Variants in HPD observed in about 807,000 individuals in gnomAD.
The protein encoded by HPD is 4-hydroxyphenylpyruvic acid oxidase.
A neutral mutation model predicts 56.9 loss-of-function variants in HPD; 35 were observed. The observed-to-expected ratio is 0.62, with a 90% CI of 0.47 to 0.82. HPD has a LOEUF of 0.82. HPD is among the 40% of genes least tolerant of loss of function. The pLI is 0.00. For synonymous variants in HPD, 186 were observed against 200.2 expected (o/e 0.93, Z 0.60); for missense variants, 442 against 506.8 (o/e 0.87, Z 1.23).
At chr12:121,858,155 AG>A (rs1420102284) in intron 2 of HPD, among the ~76,000 whole-genome samples, 9 of 152,044 alleles carry the variant, frequency 5.9e-5, no homozygotes, top group Non-Finnish European at 4.4e-5. Context: ...GAAGGGGTAC[AG>A]GTTTTGTTTT....
At chr12:121,880,574 T>C in the HPD span, among the ~76,000 whole-genome samples, 2 of 152,214 alleles carry the variant, frequency 1.3e-5, no homozygotes, top group African/African-American at 4.8e-5. Flanking sequence ...GATGGTGATC[T>C]AGCTCATTTG....
intron 9 of HPD, among the ~76,000 whole-genome samples, chr12:121,847,560 G>A (rs527361392): frequency 1.3e-5 from 2 of 152,048 alleles, no homozygotes; most frequent in South Asian, 4.2e-4. Flanking sequence ...TTTTTGAGAC[G>A]GAGTTTCGCT....
At chr12:121,846,789 C>T in intron 11 of HPD, 73 bp downstream of exon 11, 1 of 1,428,578 alleles carries the variant, frequency 7.0e-7, no homozygotes, top group South Asian at 1.2e-5. Context: ...CCGCCACCCG[C>T]CCTCTCAATT....
chr12:121,843,986 A>C (rs1367494324), intron 11 of HPD, among the ~76,000 whole-genome samples, 154 bp from the exon 12 acceptor site: 1 of 151,960 alleles, frequency 6.6e-6, no homozygotes, highest in Admixed American at 6.6e-5. Flanking sequence ...CTTCTCTGTC[A>C]TGGGCCCCGT....
At chr12:121,865,850 G>A (rs958346072), upstream of HPD, among the ~76,000 whole-genome samples, 3 of 151,814 alleles carry the variant, frequency 2.0e-5, no homozygotes, top group African/African-American at 7.3e-5. Flanking sequence ...AGAGCTGGGC[G>A]TAGTGTTGGG....
chr12:121,857,493 G>T (rs919914737), intron 3 of HPD, 61 bp from the exon 4 acceptor site: 7 of 1,288,620 alleles, frequency 5.4e-6, no homozygotes, highest in African/African-American at 2.9e-5. Context: ...GGGGACTTCC[G>T]CAAGAGAGCC....
chr12:121,839,670 A>G lies in HPD; in HGVS notation c.*58T>C. 1 of 1,268,782 alleles carries G rather than the reference A, an allele frequency of 7.9e-7. No homozygotes were observed. The highest frequency in any genetic ancestry group is 1.2e-5 in the South Asian group (1 of 84,116). The allele number at this position is 1,268,782 out of a possible 1,614,324, so 78.6% of individuals were successfully genotyped here. On this transcript the variant is annotated 3_prime_UTR_variant, in exon 14 of 14. Coordinates refer to ENST00000289004, the MANE Select transcript of HPD (RefSeq NM_002150.3). ...GAGCAGCCAGTAGGGAAGTTGGGCG[A>G]GTTCCAGAATCAGGGGGCGTGGCTG... is the stretch of plus-strand genomic sequence containing the variant.
At chr12:121,849,134 T>G in intron 8 of HPD, 58 bp from the exon 9 acceptor site, 1 of 995,286 alleles carries the variant, frequency 1.0e-6, no homozygotes, top group Non-Finnish European at 1.6e-6. Context: ...TGCTCCCTTC[T>G]CCATGACCCC....
At chr12:121,872,374 C>T in the HPD span, among the ~76,000 whole-genome samples, 2 of 151,612 alleles carry the variant, frequency 1.3e-5, no homozygotes, top group African/African-American at 4.8e-5. Flanking sequence ...CTAACAGGAG[C>T]CCGCCACCAG....
chr12:121,850,150 G>A (rs1246273591), intron 7 of HPD, among the ~76,000 whole-genome samples: 4 of 151,996 alleles, frequency 2.6e-5, no homozygotes, highest in Non-Finnish European at 4.4e-5. Context: ...AGCCTGGCGC[G>A]GTGGCTTAGG....
At chr12:121,859,425 C>T (rs1878119043), upstream of HPD, among the ~76,000 whole-genome samples, 1 of 152,136 alleles carries the variant, frequency 6.6e-6, no homozygotes, top group Non-Finnish European at 1.5e-5. Context: ...GGAACAGGAC[C>T]TGGCACACAG....
upstream of HPD, among the ~76,000 whole-genome samples, chr12:121,865,412 G>A (rs1878299538): frequency 6.6e-6 from 1 of 151,180 alleles, no homozygotes; most frequent in African/African-American, 2.4e-5. Context: ...TGGGATTATG[G>A]GTGCCCGCCA....
intron 11 of HPD, among the ~76,000 whole-genome samples, chr12:121,845,768 C>T (rs1877563630): frequency 6.6e-6 from 1 of 152,124 alleles, no homozygotes; most frequent in South Asian, 2.1e-4. Flanking sequence ...GCTTTACTTT[C>T]TTCCTGGGTG....
At chr12:121,871,922 CT>C in the HPD span, among the ~76,000 whole-genome samples, 1 of 151,426 alleles carries the variant, frequency 6.6e-6, no homozygotes, top group Non-Finnish European at 1.5e-5. Context: ...TCTTTTCTCT[CT>C]TTTTTTTCTT....
intron 7 of HPD, among the ~76,000 whole-genome samples, chr12:121,851,471 C>T (rs959656998): frequency 6.6e-6 from 1 of 151,526 alleles, no homozygotes; most frequent in Non-Finnish European, 1.5e-5. Flanking sequence ...CTCAGCCTCC[C>T]GAGTAGCTGG....
the HPD span, among the ~76,000 whole-genome samples, chr12:121,882,956 G>A: frequency 2.6e-5 from 4 of 151,994 alleles, no homozygotes; most frequent in African/African-American, 9.7e-5. Context: ...TTGAACTACC[G>A]ACCTCAAGTG....
At chr12:121,882,167 C>T in the HPD span, among the ~76,000 whole-genome samples, 1 of 151,978 alleles carries the variant, frequency 6.6e-6, no homozygotes, top group Non-Finnish European at 1.5e-5. Flanking sequence ...TGTCAGAGTC[C>T]AGACCCTTGT....
chr12:121,850,472 CTTT>C (rs572420297), intron 7 of HPD, among the ~76,000 whole-genome samples: 1 of 120,158 alleles, frequency 8.3e-6, no homozygotes, highest in Admixed American at 9.5e-5. Context: ...CTTTAACCAT[CTTT>C]TTTTTTTTTT....
chr12:121,853,150 G>A (rs1388991724), intron 7 of HPD, among the ~76,000 whole-genome samples: 2 of 152,122 alleles, frequency 1.3e-5, no homozygotes, highest in Middle Eastern at 3.4e-3. Context: ...ACATCACGGG[G>A]AACAACAGAC....
Sources: gnomAD v4.1 joint callset for allele counts (sites outside exome capture counted in the v4.1 genomes callset) on GRCh38, gnomAD v4.1.1 for gene constraint, MANE v1.5 for transcripts, NCBI Gene and HGNC (gene_info 2026-07-23, HGNC 2026-07-21) for gene names.